The following PRRC1 variants were observed in gnomAD, a reference collection of about 807,000 sequenced individuals.
The protein encoded by PRRC1 is protein PRRC1.
PRRC1 carries 39 observed loss-of-function variants against 40.7 expected under a neutral mutation model. The observed-to-expected ratio is 0.96, with a 90% confidence interval of 0.74 to 1.25. The LOEUF is 1.25. PRRC1 is among the 50% of genes most tolerant of loss of function. PRRC1 has a pLI of 0.00. For missense variants in PRRC1, 573 were observed against 548.3 expected, an observed-to-expected ratio of 1.05 and a Z score of -0.45; for synonymous variants, 175 against 193.3, an observed-to-expected ratio of 0.91 and a Z score of 0.79.
chr5:127,531,617 C>CTTCTTTT (rs1268819647), intron 5 of PRRC1, among the ~76,000 whole-genome samples: 2 of 99,672 alleles, frequency 2.0e-5, no homozygotes, highest in African/African-American at 9.3e-5. Context: ...TCTTCTTCTT[C>CTTCTTTT]TTTTTTTTTT....
At position 127,524,190 on chromosome 5, in the gene PRRC1, TGTG is replaced by T. The variant is rs141674100; in HGVS notation, c.104-337_104-335del. On this transcript the variant is annotated intron_variant, in intron 2 of 8. Transcript: ENST00000296666. ...CGCTCGGCCTACTGCTCTATGACTT[TGTG>T]GTGATTAACCTTTCTGAGCCTTCAG... The T allele has an allele frequency of 4.7e-3, 956 of 201,996 alleles. 8 individuals are homozygous for T. Among genetic ancestry groups the T allele is most frequent in the African/African-American group, 0.02 (860 of 42,770 alleles). The allele number at this position is 201,996 out of a possible 1,614,324, so 12.5% of individuals were successfully genotyped here.
At chr5:127,530,173 C>T (rs1767729521) in intron 4 of PRRC1, 121 bp from the exon 5 acceptor site, 15 of 693,104 alleles carry the variant, frequency 2.2e-5, no homozygotes, top group Non-Finnish European at 3.3e-5. Context: ...CCTTATATAT[C>T]TTACAAAAGT....
rs947945692 is a variant in PRRC1 at position 127,553,869 on chromosome 5, C to T, written c.*1953C>T. On this transcript the variant is annotated 3_prime_UTR_variant, in exon 9 of 9. Transcript: ENST00000296666. ...TGGTTGAAGCTAGAAATTTTCCTGC[C>T]CCTGGTGACCTGGTAAGCCTCCTGC... is the stretch of plus-strand genomic sequence containing the variant. 2.0e-6 allele frequency: 3 copies of T among 1,535,654 alleles called. No homozygotes were observed. The highest frequency in any genetic ancestry group is 2.6e-6 in the Non-Finnish European group (3 of 1,146,632).
At chr5:127,529,188 G>T (rs1289111349) in intron 4 of PRRC1, among the ~76,000 whole-genome samples, 1 of 151,414 alleles carries the variant, frequency 6.6e-6, no homozygotes, top group African/African-American at 2.4e-5. Context: ...CCAATATTCT[G>T]CTAAGGGTTT....
chr5:127,526,650 A>G lies in PRRC1; in HGVS notation c.526A>G (p.Ser176Gly), dbSNP rs563507500. ...LLPTPITQQA[S>G]LTSLAQGTGT... ...GCCAACTCCTATTACTCAGCAAGCCAGTTTGACATCTCTGGCACAGGGAAC... is the reference window on the plus strand; with the variant it reads ...GCCAACTCCTATTACTCAGCAAGCCGGTTTGACATCTCTGGCACAGGGAAC... The change falls in exon 4 of 9, where the codon AGT becomes GGT. Residue 176 changes from serine to glycine, a missense_variant. Physicochemically the swap from Ser to Gly is moderately conservative, Grantham distance 56. Transcript: ENST00000296666. 1.2e-6 allele frequency: 2 copies of G among 1,613,220 alleles called. No homozygotes were observed. The highest frequency in any genetic ancestry group is 2.2e-5 in the East Asian group (1 of 44,848).
chr5:127,538,927 A>T, intron 6 of PRRC1, 113 bp from the exon 7 acceptor site: 1 of 620,136 alleles, frequency 1.6e-6, no homozygotes, highest in East Asian at 3.0e-5. Context: ...GTTTACAGTG[A>T]GTATATATAT....
rs778120121 is a variant in PRRC1, at chr5:127,551,704, C to T, written c.1129-3C>T. On this transcript the variant is annotated splice_region_variant and splice_polypyrimidine_tract_variant and intron_variant, in intron 8 of 8. Transcript: ENST00000296666. ...AAGTAATATCAATTTCATCTTTCCA[C>T]AGGCTCAAAGTCTAACTCCCCAGGA... 2.5e-6 allele frequency: 4 copies of T among 1,613,704 alleles called. No individual in the cohort carries two copies. Among genetic ancestry groups the T allele is most frequent in the Non-Finnish European group, 3.4e-6 (4 of 1,179,668 alleles).
intron 7 of PRRC1, among the ~76,000 whole-genome samples, chr5:127,540,499 G>T (rs768086200): frequency 2.2e-4 from 33 of 151,932 alleles, no homozygotes; most frequent in Non-Finnish European, 4.0e-4. Flanking sequence ...TCTGTCTGGG[G>T]TCATTTTTCT....
chr5:127,540,524 A>G (rs1182055811), intron 7 of PRRC1, among the ~76,000 whole-genome samples: 1 of 152,084 alleles, frequency 6.6e-6, no homozygotes. Flanking sequence ...AAGGAAGCCT[A>G]AAGTACTTCC....
At chr5:127,547,148 T>G (rs759541307) in intron 7 of PRRC1, among the ~76,000 whole-genome samples, 21 of 152,144 alleles carry the variant, frequency 1.4e-4, no homozygotes, top group Non-Finnish European at 2.6e-4. Context: ...TCTGGCTGTT[T>G]CATGATTTGG....
At chr5:127,525,958 C>G (rs543540672) in intron 3 of PRRC1, among the ~76,000 whole-genome samples, 1 of 152,166 alleles carries the variant, frequency 6.6e-6, no homozygotes, top group African/African-American at 2.4e-5. Flanking sequence ...ACAAATAAAA[C>G]CTCATGTATG....
chr5:127,523,708 G>A, intron 2 of PRRC1, 126 bp downstream of exon 2: 2 of 487,336 alleles, frequency 4.1e-6, no homozygotes, highest in East Asian at 6.5e-5. Flanking sequence ...AGGATGAAAG[G>A]AAATAGCCTT....
chr5:127,530,025 T>C (rs1767725277), intron 4 of PRRC1, among the ~76,000 whole-genome samples: 1 of 152,082 alleles, frequency 6.6e-6, no homozygotes, highest in Admixed American at 6.6e-5. Flanking sequence ...TATATGTATA[T>C]ATAGTATAGC....
Position 127,544,099 on chromosome 5 carries a change from C to A in PRRC1, c.1026-3720C>A, listed in dbSNP as rs551646640. On this transcript the variant is annotated intron_variant, in intron 7 of 8. Transcript: ENST00000296666. ...TTAGTTTTCCTTCTAACAGACAGGA[C>A]CCTCATCTGCAGGTCTGTTGGAGTT... 1.6e-3 allele frequency among the ~76,000 whole-genome samples: 242 copies of A among 152,274 alleles called. 1 individual carries two copies. The highest frequency in any genetic ancestry group is 5.7e-3 in the African/African-American group (236 of 41,552).
In PRRC1 at chr5:127,553,889, T is replaced by G; in HGVS notation, c.*1973T>G. 3 of 1,535,618 alleles carry G rather than the reference T, an allele frequency of 2.0e-6. No homozygotes were observed. The highest frequency in any genetic ancestry group is 2.4e-5 in the East Asian group (1 of 40,908). On this transcript the variant is annotated 3_prime_UTR_variant, in exon 9 of 9. Transcript: ENST00000296666. ...CCTGCCCCTGGTGACCTGGTAAGCCTCCTGCTCGGAACCGTGTGAGTGGGT... is the reference window on the plus strand; with the variant it reads ...CCTGCCCCTGGTGACCTGGTAAGCCGCCTGCTCGGAACCGTGTGAGTGGGT...
At chr5:127,533,480 A>T in intron 5 of PRRC1, 143 bp from the exon 6 acceptor site, 1 of 761,660 alleles carries the variant, frequency 1.3e-6, no homozygotes, top group Non-Finnish European at 2.0e-6. Flanking sequence ...CAAGCATATA[A>T]AAAAGATAAT....
At chr5:127,539,932 T>G (rs188485586) in intron 7 of PRRC1, among the ~76,000 whole-genome samples, 7 of 151,810 alleles carry the variant, frequency 4.6e-5, no homozygotes, top group Admixed American at 3.3e-4. Flanking sequence ...TGGAGGTAAC[T>G]CTGTGGAGAT....
intron 2 of PRRC1, 104 bp from the exon 3 acceptor site, chr5:127,524,427 T>G (rs1186158744): frequency 9.3e-7 from 1 of 1,076,620 alleles, no homozygotes; most frequent in East Asian, 2.4e-5. Flanking sequence ...GGGATATGCT[T>G]TGGTAAGTTA....
chr5:127,524,430 G>T (rs1386506754), intron 2 of PRRC1, 101 bp from the exon 3 acceptor site: 2 of 1,123,698 alleles, frequency 1.8e-6, no homozygotes, highest in African/African-American at 1.6e-5. Context: ...ATATGCTTTG[G>T]TAAGTTAAAA....
Sources: gnomAD v4.1 joint callset for allele counts (sites outside exome capture counted in the v4.1 genomes callset) on GRCh38, gnomAD v4.1.1 for gene constraint, MANE v1.5 for transcripts, NCBI Gene and HGNC (gene_info 2026-07-23, HGNC 2026-07-21) for gene names.